SLF2: variants seen among roughly 807,000 people sequenced by gnomAD.
The protein encoded by SLF2 is SMC5-SMC6 complex localization factor protein 2.
A neutral mutation model predicts 124.3 loss-of-function variants in SLF2; 68 were observed. The observed-to-expected ratio is 0.55, with a 90% confidence interval of 0.45 to 0.67. The LOEUF is 0.67. SLF2 is among the 30% of genes least tolerant of loss of function. The pLI is 0.00. For missense variants in SLF2, 1,246 were observed against 1,373.7 expected, an observed-to-expected ratio of 0.91 and a Z score of 1.47; for synonymous variants, 480 against 478.8, an observed-to-expected ratio of 1.00 and a Z score of -0.03.
At chr10:100,952,230 C>T (rs933576100) in intron 17 of SLF2, among the ~76,000 whole-genome samples, 3 of 139,458 alleles carry the variant, frequency 2.2e-5, no homozygotes, top group Non-Finnish European at 3.1e-5. Context: ...GGCAACAGAG[C>T]GAGACTTCAT....
At chr10:100,917,962 C>T (rs762378548) in intron 3 of SLF2, among the ~76,000 whole-genome samples, 5 of 152,156 alleles carry the variant, frequency 3.3e-5, no homozygotes, top group African/African-American at 7.2e-5. Context: ...TGGCATGTGC[C>T]TGTTCTCCTA....
At chr10:100,949,853 C>G (rs753827153) in intron 15 of SLF2, among the ~76,000 whole-genome samples, 10 of 152,126 alleles carry the variant, frequency 6.6e-5, no homozygotes, top group Non-Finnish European at 1.2e-4. Flanking sequence ...CCCTTGGCCT[C>G]TGAAAGTGTT....
intron 17 of SLF2, among the ~76,000 whole-genome samples, chr10:100,953,552 T>C (rs937862453): frequency 2.0e-5 from 3 of 151,848 alleles, no homozygotes; most frequent in African/African-American, 7.2e-5. Context: ...TGTAAATTTC[T>C]TCACAATTTA....
At position 100,915,987 on chromosome 10, in the gene SLF2, T is replaced by C. The variant is rs1849405507; in HGVS notation, c.141-12T>C. Reference sequence around the variant, plus strand: ...TTGCTTATATGATGCCATATTATGCTTTTATTTTCAGGAAGCAGTCAATTA... The same window carrying C: ...TTGCTTATATGATGCCATATTATGCCTTTATTTTCAGGAAGCAGTCAATTA... On this transcript the variant is annotated splice_polypyrimidine_tract_variant and intron_variant, in intron 1 of 19. Transcript: ENST00000238961. 6.2e-7 allele frequency: 1 copy of C among 1,602,976 alleles called. No individual in the cohort carries two copies. The highest frequency in any genetic ancestry group is 8.5e-7 in the Non-Finnish European group (1 of 1,171,176).
chr10:100,964,384 T>C lies in SLF2; in HGVS notation c.*2472T>C, dbSNP rs1180863350. On this transcript the variant is annotated 3_prime_UTR_variant, in exon 20 of 20. Transcript: ENST00000238961. ...GTACTTGTAAGTGTTTATGCTTTTG[T>C]GTGTAACTGTTTGCCTTTTCTAACT... 6.5e-6 allele frequency: 1 copy of C among 152,692 alleles called. No individual in the cohort carries two copies. Among genetic ancestry groups the C allele is most frequent in the Non-Finnish European group, 1.5e-5 (1 of 68,046 alleles). 9.5% of individuals were successfully genotyped at this position (152,692 alleles called of 1,614,324 possible).
chr10:100,916,633 T>C lies in SLF2; in HGVS notation c.248T>C (p.Ile83Thr). The stretch of plus-strand genomic sequence containing the variant: ...AAATATGGAGGAAGTAGATTGTCTA[T>C]CACTGGGACAGAGCAGTTTGAAAGG... Reference protein sequence around the residue: ...NIKYGGSRLSITGTEQFERKL... With the variant: ...NIKYGGSRLSTTGTEQFERKL... The change falls in exon 3 of 20, where the codon ATC becomes ACC. Residue 83 changes from isoleucine to threonine, a missense_variant. By Grantham distance (89) the Ile-to-Thr change is moderately conservative. This residue lies in a region of SLF2 where 698 missense variants were observed against 708.9 expected (regional missense o/e 0.98). Transcript: ENST00000238961. 1 of 1,483,778 alleles carries C rather than the reference T, an allele frequency of 6.7e-7. No homozygotes were observed. The allele number at this position is 1,483,778 out of a possible 1,614,324, so 91.9% of individuals were successfully genotyped here.
intron 19 of SLF2, among the ~76,000 whole-genome samples, chr10:100,960,976 A>G (rs576319926): frequency 7.2e-6 from 1 of 138,804 alleles, no homozygotes; most frequent in East Asian, 2.4e-4. Context: ...GTCTGGAGTG[A>G]GAACTGAGAT....
chr10:100,927,207 A>G (rs1170709829), intron 6 of SLF2, among the ~76,000 whole-genome samples: 1 of 152,160 alleles, frequency 6.6e-6, no homozygotes, highest in Non-Finnish European at 1.5e-5. Flanking sequence ...GAACTTTTTC[A>G]TCTTTCCAAA....
intron 6 of SLF2, 47 bp from the exon 7 acceptor site, chr10:100,929,270 A>G (rs1007029916): frequency 1.3e-6 from 2 of 1,533,996 alleles, no homozygotes; most frequent in Middle Eastern, 1.7e-4. Flanking sequence ...AGACTTTTTA[A>G]AAATATTTTT....
chr10:100,929,213 G>C (rs1849679385), intron 6 of SLF2, 104 bp from the exon 7 acceptor site: 1 of 1,075,574 alleles, frequency 9.3e-7, no homozygotes, highest in Non-Finnish European at 1.3e-6. Context: ...TATATACCAG[G>C]GTACTTAATA....
chr10:100,928,658 T>C (rs2863093), intron 6 of SLF2, among the ~76,000 whole-genome samples: 66,466 of 152,022 alleles, frequency 0.44, 16,575 homozygotes, highest in Middle Eastern at 0.59. Context: ...AGCTAGACTC[T>C]CTCGCTATGA....
chr10:100,961,969 A>G lies in SLF2; in HGVS notation c.*57A>G. 2.0e-6 allele frequency: 3 copies of G among 1,493,076 alleles called. No homozygotes were observed. Among genetic ancestry groups the G allele is most frequent in the Non-Finnish European group, 2.8e-6 (3 of 1,081,488 alleles). 92.5% of individuals were successfully genotyped at this position (1,493,076 alleles called of 1,614,324 possible). On this transcript the variant is annotated 3_prime_UTR_variant, in exon 20 of 20. Transcript: ENST00000238961. ...GAGAAATTCAATAAGAGCCTTTCATAGAGGAGTAGAAAGGATTATTACAGA... is the reference window on the plus strand; with the variant it reads ...GAGAAATTCAATAAGAGCCTTTCATGGAGGAGTAGAAAGGATTATTACAGA...
chr10:100,955,116 A>G (rs972319921), intron 17 of SLF2, among the ~76,000 whole-genome samples: 6 of 151,630 alleles, frequency 4.0e-5, no homozygotes, highest in Non-Finnish European at 7.4e-5. Flanking sequence ...ATTTTTTTGT[A>G]TTTTTAGTAG....
At position 100,954,360 on chromosome 10, in the gene SLF2, T is replaced by C. The variant is rs555014515; in HGVS notation, c.3331-2091T>C. 3.9e-5 allele frequency among the ~76,000 whole-genome samples: 6 copies of C among 152,330 alleles called. No homozygotes were observed. The South Asian group carries it at 1.2e-3, about 32-fold the overall frequency. On this transcript the variant is annotated intron_variant, in intron 17 of 19. Transcript: ENST00000238961. Reference sequence around the variant, plus strand: ...GTATGTTTTTTGTGATTGCACATAGTGTTAATATGAACATGCTTATTCATA... The same window carrying C: ...GTATGTTTTTTGTGATTGCACATAGCGTTAATATGAACATGCTTATTCATA...
Position 100,926,258 on chromosome 10 carries a change from G to A in SLF2, c.2042+239G>A, listed in dbSNP as rs370432719. The A allele has an allele frequency of 4.3e-4, 652 of 1,509,970 alleles. 8 individuals carry two copies. The South Asian group carries it at 7.3e-3, about 17-fold the overall frequency. The allele number at this position is 1,509,970 out of a possible 1,614,324, so 93.5% of individuals were successfully genotyped here. ...CAGGAGTTCAAGGCTGCGGTGAGTC[G>A]TGATGGCGCCACTTCACTGCAGCCT... On this transcript the variant is annotated intron_variant, in intron 6 of 19. Coordinates refer to ENST00000238961, the MANE Select transcript of SLF2 (RefSeq NM_018121.4).
Position 100,962,541 on chromosome 10 carries a change from G to C in SLF2, c.*629G>C, listed in dbSNP as rs1850442568. ...CTAAACAAACAGTTGAGAAACAAAA[G>C]TTTGGCATGTTGTCAGATCCCCTTA... is the stretch of plus-strand genomic sequence containing the variant. On this transcript the variant is annotated 3_prime_UTR_variant, in exon 20 of 20. Transcript: ENST00000238961. 1 of 152,592 alleles carries C rather than the reference G, an allele frequency of 6.6e-6. No individual in the cohort carries two copies. The highest frequency in any genetic ancestry group is 2.4e-5 in the African/African-American group (1 of 41,422). The allele number at this position is 152,592 out of a possible 1,614,324, so 9.5% of individuals were successfully genotyped here. A position where few individuals can be genotyped will look rare whatever the true frequency, so the allele number is the denominator to read the frequency against.
chr10:100,927,951 G>A (rs899596098), intron 6 of SLF2, among the ~76,000 whole-genome samples: 1 of 151,330 alleles, frequency 6.6e-6, no homozygotes, highest in African/African-American at 2.4e-5. Flanking sequence ...GGTGGGTGGG[G>A]CGGTTCACAC....
intron 2 of SLF2, 136 bp from the exon 3 acceptor site, chr10:100,916,431 CATT>C: frequency 1.8e-6 from 1 of 554,642 alleles, no homozygotes; most frequent in Non-Finnish European, 2.6e-6. Flanking sequence ...AAGTGTGTAT[CATT>C]ATCCAAGTTG....
rs757908161 is a variant in SLF2, at chr10:100,929,787, T to C, written c.2166-43T>C. 5 of 1,430,272 alleles carry C rather than the reference T, an allele frequency of 3.5e-6. No homozygotes were observed. The South Asian group carries it at 5.2e-5, about 15-fold the overall frequency. 88.6% of individuals were successfully genotyped at this position (1,430,272 alleles called of 1,614,324 possible). On this transcript the variant is annotated intron_variant, in intron 7 of 19. Coordinates refer to ENST00000238961, the MANE Select transcript of SLF2 (RefSeq NM_018121.4). The stretch of plus-strand genomic sequence containing the variant: ...CAGCTTTTAAATACAAAACTATATG[T>C]AGTGTAACAATTTGGTATTGATTGA...
Sources: allele counts gnomAD v4.1 joint callset (sites outside exome capture counted in the v4.1 genomes callset), GRCh38; gene constraint gnomAD v4.1.1; regional missense constraint gnomAD v4.1.1; transcripts MANE v1.5; gene names NCBI Gene and HGNC (gene_info 2026-07-23, HGNC 2026-07-21).